The following USP20 variants were observed in gnomAD, a reference collection of about 807,000 sequenced individuals.
The protein encoded by USP20 is ubiquitin carboxyl-terminal hydrolase 20.
Under a neutral mutation model 124.2 loss-of-function variants are expected in USP20, and 80 were observed. The observed-to-expected ratio is 0.64, with a 90% confidence interval of 0.54 to 0.78. The LOEUF (loss-of-function observed/expected upper bound fraction) is 0.78, where lower values mean the gene tolerates loss of function less well. Among genes scored for constraint, USP20 ranks in the 30% least tolerant of loss-of-function variants. The pLI, the probability that USP20 is intolerant of heterozygous loss-of-function variation, is 0.00. For missense variants in USP20, 1,043 were observed against 1,244.4 expected, an observed-to-expected ratio of 0.84 and a Z score of 2.44; for synonymous variants, 481 against 512.3, an observed-to-expected ratio of 0.94 and a Z score of 0.83.
At chr9:129,871,891 A>G (rs2034146141) in intron 15 of USP20, among the ~76,000 whole-genome samples, 1 of 151,720 alleles carries the variant, frequency 6.6e-6, no homozygotes, top group South Asian at 2.1e-4. Context: ...TAATTTTTGT[A>G]TTTTTAGTAG....
intron 15 of USP20, among the ~76,000 whole-genome samples, chr9:129,871,707 T>C (rs976708295): frequency 1.3e-5 from 2 of 152,184 alleles, no homozygotes; most frequent in Non-Finnish European, 2.9e-5. Context: ...ATTGTGCGTT[T>C]TTTTTGTTTT....
chr9:129,870,611 C>T lies in USP20; in HGVS notation c.1660+64C>T, dbSNP rs931483033. ...GTTGTGGGGACGGGGATGTGCAGAC[C>T]CCAGCAGGCCAGCATGCAGCCCAGG... is the stretch of plus-strand genomic sequence containing the variant. On this transcript the variant is annotated intron_variant, in intron 15 of 25. Transcript: ENST00000372429. 6 of 1,555,798 alleles carry T rather than the reference C, an allele frequency of 3.9e-6. No individual in the cohort carries two copies. In the East Asian group the frequency reaches 9.0e-5, roughly 23 times the overall value.
intron 6 of USP20, among the ~76,000 whole-genome samples, chr9:129,860,283 T>C (rs1211264067): frequency 2.6e-5 from 4 of 151,354 alleles, no homozygotes; most frequent in Non-Finnish European, 5.9e-5. Flanking sequence ...TGAGCCAAGA[T>C]TGCACCATTG....
chr9:129,840,953 T>C (rs1430568844), intron 1 of USP20, among the ~76,000 whole-genome samples: 1 of 152,080 alleles, frequency 6.6e-6, no homozygotes, highest in African/African-American at 2.4e-5. Context: ...GTATTTTTAG[T>C]AGAGACGGGG....
rs774577908 is a variant in USP20 at position 129,865,323 on chromosome 9, C to T, written c.632C>T (p.Thr211Ile). The T allele has an allele frequency of 1.9e-6, 3 of 1,614,182 alleles. No individual in the cohort carries two copies. The Admixed American group carries it at 5.0e-5, about 27-fold the overall frequency. The change falls in exon 10 of 26, where the codon ACC becomes ATC. Residue 211 changes from threonine to isoleucine, a missense_variant. Thr to Ile is a moderately conservative substitution (Grantham distance 89). Coordinates refer to ENST00000372429, the MANE Select transcript of USP20 (RefSeq NM_001110303.4). The part of the protein sequence containing the change: ...HKKRPSYVVP[T>I]SLSHGIKLVN... Reference sequence around the variant, plus strand: ...TACAGGCCAAGCTACGTGGTCCCCACCAGTCTGTCTCATGGGATCAAGTTG... The same window carrying T: ...TACAGGCCAAGCTACGTGGTCCCCATCAGTCTGTCTCATGGGATCAAGTTG...
chr9:129,853,720 G>A (rs2033060166), intron 3 of USP20, among the ~76,000 whole-genome samples: 2 of 152,190 alleles, frequency 1.3e-5, no homozygotes, highest in Non-Finnish European at 1.5e-5. Context: ...GCAGAGTGAG[G>A]CCCGGATGTG....
At chr9:129,848,664 AG>A (rs1329414095) in intron 1 of USP20, among the ~76,000 whole-genome samples, 1 of 151,668 alleles carries the variant, frequency 6.6e-6, no homozygotes, top group African/African-American at 2.4e-5. Context: ...AAAAAAAAAA[AG>A]AATGGGCCAA....
chr9:129,858,321 G>A lies in USP20; in HGVS notation c.199-146G>A, dbSNP rs142119169. ...AGCAGCAGCCCTCAGGGTCCTGACT[G>A]GGGGTGGGTAAGCAAAATTTGAGCT... On this transcript the variant is annotated intron_variant, in intron 5 of 25. Coordinates refer to ENST00000372429, the MANE Select transcript of USP20 (RefSeq NM_001110303.4). The A allele has an allele frequency of 5.6e-5, 70 of 1,248,002 alleles. No individual in the cohort carries two copies. The African/African-American group carries it at 6.9e-4, about 12-fold the overall frequency. 77.3% of individuals were successfully genotyped at this position (1,248,002 alleles called of 1,614,324 possible). A position where few individuals can be genotyped will look rare whatever the true frequency, so the allele number is the denominator to read the frequency against.
rs2034506984 is a variant in USP20 at position 129,878,570 on chromosome 9, G to C, written c.2512+130G>C. ...CCTGCCCCCAGGTGCCACCCATCCAGGGTGAACAGAGAGCATGGGGCTTTG... is the reference window on the plus strand; with the variant it reads ...CCTGCCCCCAGGTGCCACCCATCCACGGTGAACAGAGAGCATGGGGCTTTG... On this transcript the variant is annotated intron_variant, in intron 23 of 25. Transcript: ENST00000372429. 13 of 776,144 alleles carry C rather than the reference G, an allele frequency of 1.7e-5. No individual in the cohort carries two copies. In the South Asian group the frequency reaches 2.2e-4, roughly 13 times the overall value. 48.1% of individuals were successfully genotyped at this position (776,144 alleles called of 1,614,324 possible).
intron 4 of USP20, among the ~76,000 whole-genome samples, chr9:129,857,553 A>G (rs2033279137): frequency 2.0e-5 from 3 of 152,160 alleles, no homozygotes; most frequent in African/African-American, 7.2e-5. Flanking sequence ...CATCAGGGGC[A>G]TGTGGGCCCT....
At chr9:129,877,680 G>C (rs1432305293) in intron 22 of USP20, among the ~76,000 whole-genome samples, 1 of 150,950 alleles carries the variant, frequency 6.6e-6, no homozygotes, top group East Asian at 2.0e-4. Flanking sequence ...CCTGGGCACA[G>C]AGTGAGACCA....
At chr9:129,849,471 G>A (rs1213772486) in intron 1 of USP20, among the ~76,000 whole-genome samples, 1 of 152,100 alleles carries the variant, frequency 6.6e-6, no homozygotes, top group Non-Finnish European at 1.5e-5. Flanking sequence ...TTAAAATAAC[G>A]GAACTGTCTG....
chr9:129,843,435 C>T (rs1350414250), intron 1 of USP20, among the ~76,000 whole-genome samples: 1 of 150,388 alleles, frequency 6.6e-6, no homozygotes, highest in Non-Finnish European at 1.5e-5. Context: ...GTCTCAACCA[C>T]GACAACAACA....
chr9:129,845,672 G>A (rs369931039), intron 1 of USP20, among the ~76,000 whole-genome samples: 7 of 151,950 alleles, frequency 4.6e-5, no homozygotes, highest in Admixed American at 6.6e-5. Flanking sequence ...GATTACAGGC[G>A]TGAGCCACTG....
intron 21 of USP20, 26 bp from the exon 22 acceptor site, chr9:129,876,104 G>C: frequency 1.3e-6 from 2 of 1,595,364 alleles, no homozygotes; most frequent in Non-Finnish European, 1.7e-6. Flanking sequence ...CTCAGGCCGT[G>C]TCTCTCTCTC....
At chr9:129,880,367 G>A in intron 25 of USP20, 78 bp downstream of exon 25, 2 of 1,454,842 alleles carry the variant, frequency 1.4e-6, no homozygotes, top group East Asian at 2.5e-5. Flanking sequence ...ATGTCCTTTT[G>A]AACATCCAAA....
intron 6 of USP20, among the ~76,000 whole-genome samples, chr9:129,858,848 C>T (rs113416944): frequency 3.4e-4 from 51 of 152,136 alleles, no homozygotes; most frequent in African/African-American, 9.9e-4. Context: ...TTGAGGAGCT[C>T]GGAGACCATG....
intron 8 of USP20, among the ~76,000 whole-genome samples, chr9:129,862,767 A>G (rs1214204207): frequency 2.8e-5 from 4 of 145,310 alleles, no homozygotes; most frequent in Non-Finnish European, 6.1e-5. Flanking sequence ...TTAGCCAGGC[A>G]TTGTGGCATG....
At position 129,878,741 on chromosome 9, in the gene USP20, C is replaced by T. The variant is rs560885627; in HGVS notation, c.2512+301C>T. ...CCTTTCCTCAGGGGAGTGTGTCGCC[C>T]GAAATGACAGATTTGTCATCTGACT... On this transcript the variant is annotated intron_variant, in intron 23 of 25. Coordinates refer to ENST00000372429, the MANE Select transcript of USP20 (RefSeq NM_001110303.4). Among the ~76,000 whole-genome samples the T allele has an allele frequency of 5.3e-5, 8 of 152,288 alleles. No homozygotes were observed. In the South Asian group the frequency reaches 6.2e-4, roughly 12 times the overall value.
Sources: allele counts gnomAD v4.1 joint callset (sites outside exome capture counted in the v4.1 genomes callset), GRCh38; gene constraint gnomAD v4.1.1; transcripts MANE v1.5; gene names NCBI Gene and HGNC (gene_info 2026-07-23, HGNC 2026-07-21).